The following MYO10 variants were observed in gnomAD, a reference collection of about 807,000 sequenced individuals.
MYO10 encodes the protein unconventional myosin-X.
In MYO10, 133 loss-of-function variants were observed where a neutral mutation model predicts 257.3. The observed-to-expected ratio is 0.52, with a 90% confidence interval of 0.45 to 0.60. The LOEUF (loss-of-function observed/expected upper bound fraction) is 0.60, where lower values mean the gene tolerates loss of function less well. Among genes scored for constraint, MYO10 ranks in the 20% least tolerant of loss-of-function variants. The probability of loss-of-function intolerance (pLI) is 0.00; values close to 1 mark genes in which losing one functional copy is unlikely to be tolerated. For missense variants in MYO10, 2,399 were observed against 2,635.7 expected (o/e 0.91, Z 1.97); for synonymous variants, 1,104 against 1,028.6 (o/e 1.07, Z -1.40).
At chr5:16,909,090 T>C (rs1745588424) in intron 1 of MYO10, among the ~76,000 whole-genome samples, 1 of 152,206 alleles carries the variant, frequency 6.6e-6, no homozygotes, top group Non-Finnish European at 1.5e-5. Context: ...AGAGGTTTAA[T>C]GGACTCACAG....
intron 1 of MYO10, among the ~76,000 whole-genome samples, chr5:16,934,376 A>C (rs1746376190): frequency 6.6e-6 from 1 of 152,236 alleles, no homozygotes; most frequent in African/African-American, 2.4e-5. Flanking sequence ...CAAAAACAAC[A>C]AAGTTAAGAA....
rs256930 is a variant in MYO10, at chr5:16,699,403, G to A, written c.3556+47C>T. 528,194 of 1,589,078 alleles carry A rather than the reference G, an allele frequency of 0.33. 89,301 individuals carry two copies. Among genetic ancestry groups the A allele is most frequent in the African/African-American group, 0.45 (33,277 of 73,964 alleles). Reference sequence around the variant, plus strand: ...CATCCATCAGCCCGGATAAAATAACGCCTCGCTCTCCCCCTAACCCAGACT... The same window carrying A: ...CATCCATCAGCCCGGATAAAATAACACCTCGCTCTCCCCCTAACCCAGACT... On this transcript the variant is annotated intron_variant, in intron 26 of 40. Transcript: ENST00000513610.
intron 3 of MYO10, among the ~76,000 whole-genome samples, chr5:16,795,366 G>A (rs958508702): frequency 4.6e-5 from 7 of 152,316 alleles, no homozygotes; most frequent in East Asian, 1.9e-4. Context: ...CACTTCCAGA[G>A]GCTGAGGCGG....
intron 2 of MYO10, among the ~76,000 whole-genome samples, chr5:16,848,424 G>C (rs1273849699): frequency 6.6e-6 from 1 of 151,834 alleles, no homozygotes; most frequent in Non-Finnish European, 1.5e-5. Context: ...CCTCCCAAAG[G>C]GCTGGGATTA....
intron 11 of MYO10, 80 bp from the exon 12 acceptor site, chr5:16,764,476 GAC>G: frequency 6.6e-7 from 1 of 1,521,692 alleles, no homozygotes; most frequent in Admixed American, 1.9e-5. Context: ...CCACTTGAGA[GAC>G]ACACACAAGA....
At chr5:16,794,235 A>C (rs1741861012) in intron 4 of MYO10, among the ~76,000 whole-genome samples, 1 of 152,146 alleles carries the variant, frequency 6.6e-6, no homozygotes. Flanking sequence ...AACCTTGTTC[A>C]CATACATAAG....
intron 2 of MYO10, among the ~76,000 whole-genome samples, chr5:16,855,247 G>C (rs1743927898): frequency 6.6e-6 from 1 of 152,084 alleles, no homozygotes; most frequent in South Asian, 2.1e-4. Flanking sequence ...TTCCTCAAAT[G>C]GCAGGAATTA....
chr5:16,840,334 C>T (rs930002191), intron 2 of MYO10, among the ~76,000 whole-genome samples: 2 of 152,056 alleles, frequency 1.3e-5, no homozygotes, highest in Non-Finnish European at 1.5e-5. Context: ...ATCGTTTGAA[C>T]CTGGGAGGCA....
At chr5:16,779,295 G>A (rs1440182209) in intron 9 of MYO10, among the ~76,000 whole-genome samples, 1 of 152,110 alleles carries the variant, frequency 6.6e-6, no homozygotes, top group African/African-American at 2.4e-5. Flanking sequence ...CAAGTAAACT[G>A]CCCATCTGCC....
At chr5:16,866,283 G>GAT (rs557598575) in intron 2 of MYO10, among the ~76,000 whole-genome samples, 120 of 152,254 alleles carry the variant, frequency 7.9e-4, no homozygotes, top group African/African-American at 2.6e-3. Flanking sequence ...CTATTTTAGG[G>GAT]ATACGCTTTG....
chr5:16,774,156 T>TA (rs1741143525), intron 9 of MYO10, among the ~76,000 whole-genome samples: 1 of 152,148 alleles, frequency 6.6e-6, no homozygotes, highest in Non-Finnish European at 1.5e-5. Flanking sequence ...ATTCAGCACA[T>TA]AAAAAACAGA....
At chr5:16,850,428 C>A (rs1181215589) in intron 2 of MYO10, among the ~76,000 whole-genome samples, 1 of 151,992 alleles carries the variant, frequency 6.6e-6, no homozygotes, top group Admixed American at 6.6e-5. Context: ...CAGGCGCGCA[C>A]CACCACACTC....
At chr5:16,730,405 A>T (rs900751161) in intron 19 of MYO10, among the ~76,000 whole-genome samples, 2 of 152,172 alleles carry the variant, frequency 1.3e-5, no homozygotes, top group Non-Finnish European at 2.9e-5. Flanking sequence ...CTGTGGTGGA[A>T]GGGAAGGATT....
intron 4 of MYO10, 122 bp downstream of exon 4, chr5:16,794,524 C>G (rs1056778005): frequency 1.1e-6 from 1 of 927,764 alleles, no homozygotes; most frequent in Non-Finnish European, 1.5e-6. Flanking sequence ...AAAACTCTGT[C>G]GGAGAAACTC....
intron 1 of MYO10, among the ~76,000 whole-genome samples, chr5:16,930,806 G>A (rs188768920): frequency 1.5e-4 from 23 of 152,312 alleles, no homozygotes; most frequent in Admixed American, 1.1e-3. Context: ...GGAGCCAAGC[G>A]CTACTGCTAA....
chr5:16,684,094 T>C (rs1177849327), intron 29 of MYO10, among the ~76,000 whole-genome samples, 159 bp from the exon 30 acceptor site: 1 of 152,054 alleles, frequency 6.6e-6, no homozygotes, highest in African/African-American at 2.4e-5. Context: ...CTCTGTTGTG[T>C]GAGTACAAAT....
At chr5:16,896,506 C>G (rs1342353892) in intron 1 of MYO10, among the ~76,000 whole-genome samples, 2 of 152,106 alleles carry the variant, frequency 1.3e-5, no homozygotes, top group Non-Finnish European at 2.9e-5. Context: ...TGAGGCAGAA[C>G]TGCTTGAACC....
intron 1 of MYO10, among the ~76,000 whole-genome samples, chr5:16,934,386 A>ATCAT (rs1398623152): frequency 6.6e-6 from 1 of 152,228 alleles, no homozygotes; most frequent in Non-Finnish European, 1.5e-5. Context: ...AAAGTTAAGA[A>ATCAT]TCATTGCCCT....
Position 16,936,012 on chromosome 5 carries a change from C to A in MYO10, c.-204G>T, listed in dbSNP as rs553281092. 2.3e-4 allele frequency: 142 copies of A among 611,348 alleles called. 1 individual carries two copies. The highest frequency in any genetic ancestry group is 1.8e-3 in the Middle Eastern group (4 of 2,282). The allele number at this position is 611,348 out of a possible 1,614,324, so 37.9% of individuals were successfully genotyped here. On this transcript the variant is annotated 5_prime_UTR_variant, in exon 1 of 41. Transcript: ENST00000513610. ...ACCCAAGTCCCTAACTCGCCCGTCC[C>A]GACGGCAGCCTTTGTCTCTTCTTCC... is the stretch of plus-strand genomic sequence containing the variant.
Sources: gnomAD v4.1 joint callset for allele counts (sites outside exome capture counted in the v4.1 genomes callset) on GRCh38, gnomAD v4.1.1 for gene constraint, MANE v1.5 for transcripts, NCBI Gene and HGNC (gene_info 2026-07-23, HGNC 2026-07-21) for gene names.